NSD3: variants seen among roughly 807,000 people sequenced by gnomAD.
NSD3 encodes the protein nuclear receptor binding SET domain protein 3, also known as histone-lysine N-methyltransferase NSD3.
In NSD3, 24 loss-of-function variants were observed where a neutral mutation model predicts 160.8. That is an observed-to-expected ratio of 0.15 (90% CI 0.11 to 0.21). NSD3 has a LOEUF of 0.21. Ranked by LOEUF, NSD3 falls within the 10% of genes least tolerant of loss-of-function variation. NSD3 has a pLI of 1.00. For synonymous variants in NSD3, 520 were observed against 600.0 expected (o/e 0.87, Z 1.95); for missense variants, 1,157 against 1,735.9 (o/e 0.67, Z 5.93).
At chr8:38,307,007 CGGGA>C (rs1809414703) in intron 12 of NSD3, among the ~76,000 whole-genome samples, 1 of 150,578 alleles carries the variant, frequency 6.6e-6, no homozygotes, top group South Asian at 2.1e-4. Flanking sequence ...CGCAGCTACT[CGGGA>C]GGCAGAGGCA....
At position 38,292,897 on chromosome 8, in the gene NSD3, G is replaced by A. The variant is rs192424379; in HGVS notation, c.2916-2220C>T. On this transcript the variant is annotated intron_variant, in intron 16 of 23. Coordinates refer to ENST00000317025, the MANE Select transcript of NSD3 (RefSeq NM_023034.2). ...TGAGGCAGGAGAATCACTTGAACCC[G>A]GGAGGCGGAGGTTGCAGTGAGCCAA... Among the ~76,000 whole-genome samples the A allele has an allele frequency of 3.5e-3, 503 of 142,976 alleles. 3 individuals are homozygous for A. Among genetic ancestry groups the A allele is most frequent in the Non-Finnish European group, 4.9e-3 (318 of 64,654 alleles). 93.8% of individuals were successfully genotyped at this position (142,976 alleles called of 152,430 possible).
intron 5 of NSD3, 152 bp downstream of exon 5, chr8:38,331,279 T>G (rs1025011445): frequency 4.4e-6 from 4 of 911,478 alleles, no homozygotes; most frequent in Non-Finnish European, 4.6e-6. Flanking sequence ...ACTTACAAAC[T>G]TACTAGTCAT....
chr8:38,356,395 G>C (rs1293268724), intron 1 of NSD3, among the ~76,000 whole-genome samples: 1 of 152,050 alleles, frequency 6.6e-6, no homozygotes, highest in African/African-American at 2.4e-5. Context: ...CCAAATCACA[G>C]ATACAGAGTT....
chr8:38,278,236 CCAAA>C, intron 22 of NSD3, 66 bp downstream of exon 22: 6 of 1,438,180 alleles, frequency 4.2e-6, no homozygotes, highest in Non-Finnish European at 5.7e-6. Flanking sequence ...CCGCGCCCGG[CCAAA>C]CAGACTTCTT....
intron 1 of NSD3, among the ~76,000 whole-genome samples, chr8:38,366,413 TAA>T (rs1811106959): frequency 6.9e-6 from 1 of 145,338 alleles, no homozygotes; most frequent in Non-Finnish European, 1.5e-5. Context: ...CACATCTACT[TAA>T]TTCTTTTTTT....
intron 1 of NSD3, among the ~76,000 whole-genome samples, chr8:38,354,589 G>T (rs1054914182): frequency 3.3e-5 from 5 of 152,168 alleles, no homozygotes; most frequent in Non-Finnish European, 7.3e-5. Flanking sequence ...ACTTTCAAAT[G>T]GTTGAGGATT....
rs369772975 is a variant in NSD3 at position 38,299,226 on chromosome 8, T to C, written c.2758+218A>G. Among the ~76,000 whole-genome samples, 5 of 152,302 alleles carry C rather than the reference T, an allele frequency of 3.3e-5. No individual in the cohort carries two copies. The South Asian group carries it at 8.3e-4, about 25-fold the overall frequency. On this transcript the variant is annotated intron_variant, in intron 15 of 23. Coordinates refer to ENST00000317025, the MANE Select transcript of NSD3 (RefSeq NM_023034.2). ...TAAATATGGAATGTGTAAAAATTTA[T>C]TCAAGGGAAGAGTATGTAAAAATGT...
At chr8:38,291,940 A>T (rs1443935680) in intron 16 of NSD3, among the ~76,000 whole-genome samples, 1 of 152,230 alleles carries the variant, frequency 6.6e-6, no homozygotes, top group Non-Finnish European at 1.5e-5. Context: ...TCCAAAACAT[A>T]CAAGAAGAAT....
chr8:38,382,141 A>T lies in NSD3; in HGVS notation c.-387T>A, dbSNP rs1259756438. On this transcript the variant is annotated 5_prime_UTR_variant, in exon 1 of 24. Transcript: ENST00000317025. The surrounding 1 kb of genome is among the most constrained non-coding windows in gnomAD (Gnocchi z 4.2). ...CTGCGGCTGGCAGCCCGGCCTGGGTAGCACGGTCCTCGGCGCTCGGCTCGG... is the reference window on the plus strand; with the variant it reads ...CTGCGGCTGGCAGCCCGGCCTGGGTTGCACGGTCCTCGGCGCTCGGCTCGG... 1.3e-5 allele frequency: 2 copies of T among 153,134 alleles called. No homozygotes were observed. The highest frequency in any genetic ancestry group is 4.8e-5 in the African/African-American group (2 of 41,330). 9.5% of individuals were successfully genotyped at this position (153,134 alleles called of 1,614,324 possible).
intron 1 of NSD3, among the ~76,000 whole-genome samples, chr8:38,378,764 A>T (rs1203819811): frequency 6.6e-6 from 1 of 151,416 alleles, no homozygotes; most frequent in Non-Finnish European, 1.5e-5. Context: ...TGGAGGTTGT[A>T]TTGAACCGAG....
intron 12 of NSD3, 102 bp from the exon 13 acceptor site, chr8:38,305,547 A>G: frequency 9.7e-7 from 1 of 1,028,832 alleles, no homozygotes; most frequent in South Asian, 1.8e-5. Flanking sequence ...AACAGACTCT[A>G]TTACTATACT....
intron 14 of NSD3, among the ~76,000 whole-genome samples, chr8:38,304,030 C>T (rs1809336796): frequency 6.6e-6 from 1 of 152,212 alleles, no homozygotes; most frequent in Non-Finnish European, 1.5e-5. Context: ...TAAACGTCAA[C>T]AGCTGGCAAC....
chr8:38,364,277 A>AAACAACAACAACAAC lies in NSD3; in HGVS notation c.-44-16077_-44-16063dup, dbSNP rs10672618. ...GGGTGACAGAGCAAGACTCCGTCTC[A>AAACAACAACAACAAC]AACAACAACAACAACAACAACAACA... On this transcript the variant is annotated intron_variant, in intron 1 of 23. Coordinates refer to ENST00000317025, the MANE Select transcript of NSD3 (RefSeq NM_023034.2). 4.9e-3 allele frequency among the ~76,000 whole-genome samples: 733 copies of AAACAACAACAACAAC among 149,396 alleles called. 4 individuals are homozygous for AAACAACAACAACAAC. The highest frequency in any genetic ancestry group is 8.6e-3 in the Admixed American group (129 of 14,976).
chr8:38,372,387 G>T (rs1221328336), intron 1 of NSD3, among the ~76,000 whole-genome samples: 1 of 151,808 alleles, frequency 6.6e-6, no homozygotes, highest in African/African-American at 2.4e-5. Context: ...ATGTTAGAAA[G>T]CTACCTTAAA....
chr8:38,341,616 A>G (rs1351584538), intron 2 of NSD3, among the ~76,000 whole-genome samples: 1 of 152,050 alleles, frequency 6.6e-6, no homozygotes, highest in East Asian at 1.9e-4. Flanking sequence ...AGGAAAGAAC[A>G]TTCCAGGAGG....
At chr8:38,280,742 C>T (rs914561293) in intron 20 of NSD3, among the ~76,000 whole-genome samples, 13 of 151,594 alleles carry the variant, frequency 8.6e-5, no homozygotes, top group East Asian at 5.8e-4. Context: ...CTTATGACAG[C>T]GCTCATTATT....
At position 38,275,092 on chromosome 8, in the gene NSD3, G is replaced by A; in HGVS notation, c.*549C>T. On this transcript the variant is annotated 3_prime_UTR_variant, in exon 24 of 24. Coordinates refer to ENST00000317025, the MANE Select transcript of NSD3 (RefSeq NM_023034.2). Reference sequence around the variant, plus strand: ...CTAAGCCTATGAAAAGCATTTTGAAGGGAAAGAGAAGTGAGCCTACCTACT... The same window carrying A: ...CTAAGCCTATGAAAAGCATTTTGAAAGGAAAGAGAAGTGAGCCTACCTACT... 4.3e-6 allele frequency: 1 copy of A among 232,268 alleles called. No individual in the cohort carries two copies. The highest frequency in any genetic ancestry group is 6.1e-5 in the East Asian group (1 of 16,358). 14.4% of individuals were successfully genotyped at this position (232,268 alleles called of 1,614,324 possible).
At chr8:38,344,097 G>A (rs564129695) in intron 2 of NSD3, among the ~76,000 whole-genome samples, 1 of 152,160 alleles carries the variant, frequency 6.6e-6, no homozygotes, top group Non-Finnish European at 1.5e-5. Context: ...AGTGATCTCA[G>A]GTCTCCTGCT....
intron 1 of NSD3, among the ~76,000 whole-genome samples, chr8:38,363,254 T>C (rs557236553): frequency 2.4e-4 from 37 of 152,288 alleles, no homozygotes; most frequent in African/African-American, 8.7e-4. Flanking sequence ...TCCTATACTA[T>C]TCAGGTGGAC....
Sources: allele counts gnomAD v4.1 joint callset (sites outside exome capture counted in the v4.1 genomes callset), GRCh38; gene constraint gnomAD v4.1.1; non-coding constraint Gnocchi (gnomAD v3.1); transcripts MANE v1.5; gene names NCBI Gene and HGNC (gene_info 2026-07-23, HGNC 2026-07-21).